The following PRSS23 variants were observed in gnomAD, a reference collection of about 807,000 sequenced individuals.
PRSS23 encodes the protein protease, serine 23.
PRSS23 carries 25 observed loss-of-function variants against 34.7 expected under a neutral mutation model. The observed-to-expected ratio is 0.72, with a 90% CI of 0.53 to 1.01. PRSS23 has a LOEUF of 1.01. Among genes scored for constraint, PRSS23 ranks in the 50% least tolerant of loss-of-function variants. The pLI, the probability that PRSS23 is intolerant of heterozygous loss-of-function variation, is 0.00. For missense variants in PRSS23, 445 were observed against 475.6 expected (o/e 0.94, Z 0.60); for synonymous variants, 176 against 186.6 (o/e 0.94, Z 0.46).
downstream of PRSS23, among the ~76,000 whole-genome samples, chr11:86,814,088 T>G (rs1948198540): frequency 6.6e-6 from 1 of 152,180 alleles, no homozygotes; most frequent in South Asian, 2.1e-4. Flanking sequence ...GAGAATTAGA[T>G]TCTGCTGTGG....
chr11:86,796,799 T>C (rs1159641147), upstream of PRSS23, among the ~76,000 whole-genome samples: 1 of 152,248 alleles, frequency 6.6e-6, no homozygotes, highest in East Asian at 1.9e-4. Flanking sequence ...GATATTTTTC[T>C]TCTTGTCTGT....
intron 2 of PRSS23, among the ~76,000 whole-genome samples, chr11:86,905,708 G>A (rs1268890046): frequency 1.3e-5 from 2 of 152,176 alleles, no homozygotes; most frequent in Middle Eastern, 3.2e-3. Context: ...TACATCTGCT[G>A]AGTTTGCTGT....
intron 2 of PRSS23, among the ~76,000 whole-genome samples, chr11:86,930,789 CAAAAA>C (rs56369539): frequency 1.6e-5 from 2 of 123,976 alleles, no homozygotes. Flanking sequence ...GACTCCGTCT[CAAAAA>C]AAAAAAAAAA....
At chr11:86,951,507 G>T in exon 3 of PRSS23, 1 of 1,614,098 alleles carries the variant, frequency 6.2e-7, no homozygotes, top group African/African-American at 1.3e-5. Context: ...AGATTTGACC[G>T]AATTTTGAAC....
chr11:86,866,494 A>T (rs1048751738), intron 2 of PRSS23, among the ~76,000 whole-genome samples: 52 of 152,316 alleles, frequency 3.4e-4, no homozygotes, highest in African/African-American at 1.2e-3. Flanking sequence ...TTTATTTAAA[A>T]TCCATTCATC....
At chr11:86,917,130 A>T (rs1328891789) in intron 2 of PRSS23, among the ~76,000 whole-genome samples, 1 of 151,860 alleles carries the variant, frequency 6.6e-6, no homozygotes, top group East Asian at 1.9e-4. Flanking sequence ...GACCAGCCTG[A>T]CCAACATGGC....
rs117398733 is a variant in PRSS23, at chr11:86,904,877, T to C, written c.207-46339T>C. ...AGCCTGAGCAACATATTGAGATCCA[T>C]TTCCACCAAAAAAAAAAAAAAAGTT... On this transcript the variant is annotated intron_variant, in intron 2 of 2. Coordinates refer to the PRSS23 transcript ENST00000533902. Among the ~76,000 whole-genome samples, 1,025 of 151,606 alleles carry C rather than the reference T, an allele frequency of 6.8e-3. 3 individuals carry two copies. Among genetic ancestry groups the C allele is most frequent in the Non-Finnish European group, 0.011 (729 of 67,866 alleles).
intron 2 of PRSS23, among the ~76,000 whole-genome samples, chr11:86,851,679 T>A (rs1348852744): frequency 6.6e-6 from 1 of 152,176 alleles, no homozygotes; most frequent in Non-Finnish European, 1.5e-5. Flanking sequence ...TGTGCACTAA[T>A]AACTGGGAGA....
chr11:86,848,507 C>G (rs1359792029), intron 2 of PRSS23, among the ~76,000 whole-genome samples: 2 of 152,188 alleles, frequency 1.3e-5, no homozygotes, highest in African/African-American at 4.8e-5. Flanking sequence ...CTATGAACTA[C>G]TCAATGCTAT....
chr11:86,876,553 A>G (rs1939095), intron 2 of PRSS23, among the ~76,000 whole-genome samples: 4 of 152,168 alleles, frequency 2.6e-5, no homozygotes, highest in African/African-American at 9.7e-5. Flanking sequence ...CTCACTAACC[A>G]AAGTGTGGCC....
At chr11:86,945,364 C>CA (rs58204343) in intron 2 of PRSS23, among the ~76,000 whole-genome samples, 55,796 of 132,984 alleles carry the variant, frequency 0.42, 10,688 homozygotes, top group African/African-American at 0.48. Flanking sequence ...CTGAAAATGC[C>CA]AAAAAAAAAA....
chr11:86,926,223 C>T (rs906029515), intron 2 of PRSS23, among the ~76,000 whole-genome samples: 2 of 152,072 alleles, frequency 1.3e-5, no homozygotes, highest in Non-Finnish European at 2.9e-5. Context: ...ATTAGCCGGG[C>T]GTGGTGCCGT....
intron 2 of PRSS23, among the ~76,000 whole-genome samples, chr11:86,922,648 C>T (rs1319125462): frequency 6.6e-6 from 1 of 152,096 alleles, no homozygotes; most frequent in African/African-American, 2.4e-5. Flanking sequence ...GAAGAAAATG[C>T]CCTAAAGATA....
intron 2 of PRSS23, among the ~76,000 whole-genome samples, chr11:86,907,711 T>C (rs971787218): frequency 2.6e-5 from 4 of 152,192 alleles, no homozygotes; most frequent in Non-Finnish European, 4.4e-5. Context: ...CCGCCTGCCT[T>C]AACCTCCCAA....
chr11:86,922,953 T>C (rs1322526411), intron 2 of PRSS23, among the ~76,000 whole-genome samples: 1 of 152,206 alleles, frequency 6.6e-6, no homozygotes, highest in Non-Finnish European at 1.5e-5. Context: ...GAATTGATTG[T>C]GCTGTGAATG....
chr11:86,797,833 A>C (rs1321589361), upstream of PRSS23, among the ~76,000 whole-genome samples: 1 of 152,230 alleles, frequency 6.6e-6, no homozygotes, highest in Non-Finnish European at 1.5e-5. Flanking sequence ...AAAGAACTCT[A>C]TGAGAAAGTC....
intron 2 of PRSS23, chr11:86,934,294 ATGATTTGAGTTGGCTCC>A (rs1949146088): frequency 6.6e-6 from 1 of 152,188 alleles, no homozygotes; most frequent in South Asian, 2.1e-4. Context: ...ATTCATTCTG[ATGATTTGAGTTGGCTCC>A]TGGGATCATC....
At chr11:86,915,821 C>G (rs1477802217) in intron 2 of PRSS23, among the ~76,000 whole-genome samples, 3 of 151,932 alleles carry the variant, frequency 2.0e-5, no homozygotes, top group Non-Finnish European at 4.4e-5. Flanking sequence ...GAGACTAAGG[C>G]AGGTGGATCA....
At chr11:86,908,848 G>C (rs10160261) in intron 2 of PRSS23, 23,711 of 151,948 alleles carry the variant, frequency 0.16, 1,976 homozygotes, top group African/African-American at 0.18. Flanking sequence ...AGCAATATCA[G>C]CTAGGTTCAC....
Sources: gnomAD v4.1 joint callset for allele counts (sites outside exome capture counted in the v4.1 genomes callset) on GRCh38, gnomAD v4.1.1 for gene constraint, MANE v1.5 for transcripts, NCBI Gene and HGNC (gene_info 2026-07-23, HGNC 2026-07-21) for gene names.